Variants in CRBN observed in about 807,000 individuals in gnomAD.
The protein encoded by CRBN is cereblon, also known as protein cereblon.
CRBN carries 53 observed loss-of-function variants against 62.2 expected under a neutral mutation model. That is an observed-to-expected ratio of 0.85 (90% CI 0.68 to 1.07). The LOEUF is 1.07. Among genes scored for constraint, CRBN ranks in the 50% least tolerant of loss-of-function variants. CRBN has a pLI of 0.00. For synonymous variants in CRBN, 208 were observed against 176.1 expected (o/e 1.18, Z -1.43); for missense variants, 616 against 531.1 (o/e 1.16, Z -1.57).
At chr3:3,149,846 T>TTAAAGTAGCAAAGGACTACCAATA (rs1553557371), downstream of CRBN, 1 of 152,150 alleles carries the variant, frequency 6.6e-6, no homozygotes, top group Non-Finnish European at 1.5e-5. Flanking sequence ...CTGATTAGTT[T>TTAAAGTAGCAAAGGACTACCAATA]TAAAGTAGCA....
intron 2 of CRBN, 24 bp from the exon 3 acceptor site, chr3:3,174,285 T>C (rs752567325): frequency 9.3e-6 from 14 of 1,512,404 alleles, no homozygotes; most frequent in South Asian, 6.7e-5. Flanking sequence ...TATATAGGTA[T>C]AGTGTCATGA....
chr3:3,177,399 T>C (rs1268129947), intron 1 of CRBN, among the ~76,000 whole-genome samples: 1 of 152,200 alleles, frequency 6.6e-6, no homozygotes, highest in Non-Finnish European at 1.5e-5. Context: ...TTCCTAGATA[T>C]AAAACTTTGT....
At chr3:3,155,889 C>A in intron 6 of CRBN, 1 of 282,558 alleles carries the variant, frequency 3.5e-6, no homozygotes. Flanking sequence ...TCACGGCAGC[C>A]TTGACCTCCC....
chr3:3,160,079 AT>A (rs1209476838), intron 5 of CRBN, among the ~76,000 whole-genome samples: 1 of 152,224 alleles, frequency 6.6e-6, no homozygotes, highest in African/African-American at 2.4e-5. Flanking sequence ...GAAAGCAGGC[AT>A]AAAAGCCCTT....
At chr3:3,171,516 A>C (rs1322905230) in intron 4 of CRBN, among the ~76,000 whole-genome samples, 2 of 152,132 alleles carry the variant, frequency 1.3e-5, no homozygotes. Flanking sequence ...ACGTACATAA[A>C]ATCCTGTCAG....
At chr3:3,152,315 G>T in intron 10 of CRBN, 141 bp downstream of exon 10, 1 of 918,106 alleles carries the variant, frequency 1.1e-6, no homozygotes, top group Non-Finnish European at 1.7e-6. Flanking sequence ...CCCATACCCG[G>T]CTAATTTTTG....
Position 3,150,739 on chromosome 3 carries a change from G to A in CRBN, c.*126C>T. ...TCACTTAGAAACTGCAACCCTCCAA[G>A]TAATGTTATGTTTACTTAGGTATTA... On this transcript the variant is annotated 3_prime_UTR_variant, in exon 11 of 11. Coordinates refer to ENST00000231948, the MANE Select transcript of CRBN (RefSeq NM_016302.4). The A allele has an allele frequency of 1.1e-6, 1 of 937,782 alleles. No homozygotes were observed. Among genetic ancestry groups the A allele is most frequent in the Non-Finnish European group, 1.6e-6 (1 of 626,666 alleles). The allele number at this position is 937,782 out of a possible 1,614,324, so 58.1% of individuals were successfully genotyped here.
At chr3:3,163,973 T>C (rs554514945) in intron 5 of CRBN, among the ~76,000 whole-genome samples, 5 of 152,328 alleles carry the variant, frequency 3.3e-5, no homozygotes, top group East Asian at 1.9e-4. Flanking sequence ...ATATCTGTTA[T>C]GATGATTTGT....
intron 4 of CRBN, 98 bp from the exon 5 acceptor site, chr3:3,167,891 T>C: frequency 8.4e-7 from 1 of 1,194,752 alleles, no homozygotes. Context: ...ACCAAGATTT[T>C]CCAAGTTTTA....
chr3:3,153,864 T>C (rs1399729943), intron 8 of CRBN, 96 bp downstream of exon 8: 1 of 768,776 alleles, frequency 1.3e-6, no homozygotes, highest in Non-Finnish European at 2.4e-6. Flanking sequence ...ACTACATTAC[T>C]GGACTCTATA....
chr3:3,160,306 A>C (rs1223821712), intron 5 of CRBN, among the ~76,000 whole-genome samples: 1 of 152,266 alleles, frequency 6.6e-6, no homozygotes, highest in East Asian at 1.9e-4. Context: ...TTATATAGTG[A>C]CTAAAAGTGG....
At chr3:3,178,668 G>A (rs975899911) in intron 1 of CRBN, among the ~76,000 whole-genome samples, 3 of 152,054 alleles carry the variant, frequency 2.0e-5, no homozygotes, top group Admixed American at 6.5e-5. Flanking sequence ...AACCGCCTCT[G>A]CAGTTGATTT....
chr3:3,176,179 C>A (rs528507852), intron 1 of CRBN, among the ~76,000 whole-genome samples: 14 of 152,258 alleles, frequency 9.2e-5, no homozygotes, highest in African/African-American at 3.4e-4. Flanking sequence ...TCTCTTCTCC[C>A]TCACCAGTAA....
intron 1 of CRBN, among the ~76,000 whole-genome samples, chr3:3,178,089 C>T (rs777238979): frequency 6.6e-6 from 1 of 152,140 alleles, no homozygotes; most frequent in Non-Finnish European, 1.5e-5. Flanking sequence ...TCATCTCATG[C>T]AGAGGCACGA....
chr3:3,152,326 T>C (rs1706623052), intron 10 of CRBN, 130 bp downstream of exon 10: 1 of 1,035,338 alleles, frequency 9.7e-7, no homozygotes, highest in Non-Finnish European at 1.5e-6. Context: ...CTAATTTTTG[T>C]AGCAAATTAC....
intron 8 of CRBN, 90 bp from the exon 9 acceptor site, chr3:3,153,578 A>G (rs1706733353): frequency 1.2e-6 from 1 of 800,804 alleles, no homozygotes; most frequent in Non-Finnish European, 2.3e-6. Flanking sequence ...ACTTACTTAT[A>G]AAGATATTGC....
At chr3:3,177,007 G>C (rs866651870) in intron 1 of CRBN, among the ~76,000 whole-genome samples, 5 of 152,094 alleles carry the variant, frequency 3.3e-5, no homozygotes, top group Non-Finnish European at 7.4e-5. Context: ...TGCCCCTCAG[G>C]GGATATTGGT....
At chr3:3,151,359 C>T (rs553835159) in intron 10 of CRBN, among the ~76,000 whole-genome samples, 11 of 151,906 alleles carry the variant, frequency 7.2e-5, no homozygotes, top group Non-Finnish European at 1.5e-4. Context: ...CTTGTACTGG[C>T]ACCACATTCT....
In CRBN at chr3:3,167,665, C is replaced by A; in HGVS notation, c.656G>T (p.Cys219Phe). 1 of 1,613,260 alleles carries A rather than the reference C, an allele frequency of 6.2e-7. No individual in the cohort carries two copies. Among genetic ancestry groups the A allele is most frequent in the Non-Finnish European group, 8.5e-7 (1 of 1,179,488 alleles). Residue 219 changes from cysteine (C) to phenylalanine (F), a missense_variant, in exon 5 of 11, where the codon TGT becomes TTT. Coordinates refer to ENST00000231948, the MANE Select transcript of CRBN (RefSeq NM_016302.4). ...PSKPVSREDQ[C>F]SYKWWQKYQK... ...GTATTTCTGCCACCATTTATATGAA[C>A]ATTGGTCTTCTCTTGAGACAGGTTT...
Sources: allele counts gnomAD v4.1 joint callset (sites outside exome capture counted in the v4.1 genomes callset), GRCh38; gene constraint gnomAD v4.1.1; transcripts MANE v1.5; gene names NCBI Gene and HGNC (gene_info 2026-07-23, HGNC 2026-07-21).